The following PRDM16 variants were observed in gnomAD, a reference collection of about 807,000 sequenced individuals.
PRDM16 encodes the protein histone-lysine N-methyltransferase PRDM16.
PRDM16 carries 23 observed loss-of-function variants against 110.6 expected under a neutral mutation model. The ratio of observed to expected loss-of-function variants is 0.21; its 90% CI spans 0.15 to 0.29. The LOEUF is 0.29. Ranked by LOEUF, PRDM16 falls within the 10% of genes least tolerant of loss-of-function variation. The pLI is 1.00. For synonymous variants in PRDM16, 799 were observed against 781.8 expected, an observed-to-expected ratio of 1.02 and a Z score of -0.37; for missense variants, 1,615 against 1,794.3, an observed-to-expected ratio of 0.90 and a Z score of 1.81.
At chr1:3,165,088 G>GC (rs1557495335) in intron 1 of PRDM16, among the ~76,000 whole-genome samples, 1 of 152,236 alleles carries the variant, frequency 6.6e-6, no homozygotes, top group African/African-American at 2.4e-5. Flanking sequence ...GGAGCTCCGG[G>GC]CCCCCCTCTG....
intron 3 of PRDM16, among the ~76,000 whole-genome samples, chr1:3,261,076 G>A (rs1012062243): frequency 6.6e-6 from 1 of 150,744 alleles, no homozygotes; most frequent in Non-Finnish European, 1.5e-5. Context: ...CGGGAGATAA[G>A]GCATGGAACA....
intron 1 of PRDM16, among the ~76,000 whole-genome samples, chr1:3,145,620 C>T (rs972759793): frequency 3.3e-5 from 5 of 152,128 alleles, no homozygotes; most frequent in Non-Finnish European, 4.4e-5. Flanking sequence ...GAGCCATGAG[C>T]CTCCTGCAGA....
Position 3,390,853 on chromosome 1 carries a change from T to TA in PRDM16, c.573+5568dup, listed in dbSNP as rs60929289. 1.4e-5 allele frequency among the ~76,000 whole-genome samples: 2 copies of TA among 142,240 alleles called. No homozygotes were observed. The highest frequency in any genetic ancestry group is 2.6e-5 in the African/African-American group (1 of 39,146). The allele number at this position is 142,240 out of a possible 152,430, so 93.3% of individuals were successfully genotyped here. On this transcript the variant is annotated intron_variant, in intron 4 of 16. Coordinates refer to ENST00000270722, the MANE Select transcript of PRDM16 (RefSeq NM_022114.4). The surrounding 1 kb of genome is among the most constrained non-coding windows in gnomAD (Gnocchi z 5.0). ...CAGTGTGTTTTTTTTTTTTTTTTTTTAGACAGAGTTTCACTCTTGTTGCCC... is the reference window on the plus strand; with the variant it reads ...CAGTGTGTTTTTTTTTTTTTTTTTTTAAGACAGAGTTTCACTCTTGTTGCCC...
Position 3,409,969 on chromosome 1 carries a change from GGTT to G in PRDM16, c.1187-1412_1187-1410del, listed in dbSNP as rs1255079818. On this transcript the variant is annotated intron_variant, in intron 8 of 16. Transcript: ENST00000270722. The stretch of plus-strand genomic sequence containing the variant: ...GGGTGTGTGTGCGTGTGGGGGGTGT[GGTT>G]GTGTGTTTGCATGGGGGGGTGTGGG... Among the ~76,000 whole-genome samples, 547 of 109,780 alleles carry G rather than the reference GGTT, an allele frequency of 5.0e-3. 7 individuals are homozygous for G. Among genetic ancestry groups the G allele is most frequent in the Middle Eastern group, 0.021 (3 of 142 alleles). 72.0% of individuals were successfully genotyped at this position (109,780 alleles called of 152,430 possible). A position where few individuals can be genotyped will look rare whatever the true frequency, so the allele number is the denominator to read the frequency against.
At chr1:3,337,656 C>T (rs1642188055) in intron 3 of PRDM16, among the ~76,000 whole-genome samples, 1 of 152,196 alleles carries the variant, frequency 6.6e-6, no homozygotes, top group Non-Finnish European at 1.5e-5. Flanking sequence ...GGGCACACAC[C>T]ATGCAACCAT....
chr1:3,103,390 C>T (rs1452550640), intron 1 of PRDM16, among the ~76,000 whole-genome samples: 1 of 152,216 alleles, frequency 6.6e-6, no homozygotes, highest in Non-Finnish European at 1.5e-5. Context: ...CTCCCTTTAC[C>T]TTAGTCGTCT....
chr1:3,118,160 CTG>C (rs569118469), intron 1 of PRDM16, among the ~76,000 whole-genome samples: 90 of 151,676 alleles, frequency 5.9e-4, no homozygotes, highest in African/African-American at 1.9e-3. Context: ...CATGCTCATG[CTG>C]TGTGTGTTTG....
chr1:3,186,651 G>A, intron 2 of PRDM16, 177 bp downstream of exon 2: 1 of 547,004 alleles, frequency 1.8e-6, no homozygotes, highest in East Asian at 3.1e-5. Flanking sequence ...GACTCAGAAA[G>A]CATCAGAGGT....
intron 2 of PRDM16, among the ~76,000 whole-genome samples, chr1:3,204,628 A>G (rs912179531): frequency 6.6e-6 from 1 of 152,194 alleles, no homozygotes; most frequent in Non-Finnish European, 1.5e-5. Flanking sequence ...GTAGTTTTTA[A>G]AGTCTTCTTT....
chr1:3,129,865 T>TC (rs1643297516), intron 1 of PRDM16, among the ~76,000 whole-genome samples: 2 of 145,878 alleles, frequency 1.4e-5, no homozygotes, highest in South Asian at 4.3e-4. Flanking sequence ...TGATTTTCTC[T>TC]CCTCTCTCAG....
intron 1 of PRDM16, among the ~76,000 whole-genome samples, chr1:3,098,101 A>G (rs1313212362): frequency 6.6e-6 from 1 of 152,088 alleles, no homozygotes; most frequent in Non-Finnish European, 1.5e-5. Context: ...AAGGGCACTG[A>G]GGCCTCCTGT....
At chr1:3,166,830 A>T (rs1185451691) in intron 1 of PRDM16, among the ~76,000 whole-genome samples, 2 of 152,162 alleles carry the variant, frequency 1.3e-5, no homozygotes, top group Non-Finnish European at 2.9e-5. Flanking sequence ...GTTGCCATGA[A>T]GCTCACTGTG....
chr1:3,411,045 C>A (rs1324559576), intron 8 of PRDM16, among the ~76,000 whole-genome samples: 1 of 148,902 alleles, frequency 6.7e-6, no homozygotes. Flanking sequence ...GGGTGGGGCG[C>A]ATGCACACAC....
intron 1 of PRDM16, among the ~76,000 whole-genome samples, chr1:3,142,138 G>A (rs977857569): frequency 1.3e-5 from 2 of 152,226 alleles, no homozygotes; most frequent in African/African-American, 4.8e-5. Flanking sequence ...GGCTCCCCCC[G>A]TCCAGGGCCA....
chr1:3,151,446 C>A (rs1643774069), intron 1 of PRDM16, among the ~76,000 whole-genome samples: 2 of 152,230 alleles, frequency 1.3e-5, no homozygotes, highest in African/African-American at 4.8e-5. Context: ...GGCCATGGGC[C>A]AACAGGCTCA....
chr1:3,297,148 C>CT (rs1249982592), intron 3 of PRDM16, among the ~76,000 whole-genome samples: 1 of 152,214 alleles, frequency 6.6e-6, no homozygotes, highest in Non-Finnish European at 1.5e-5. Flanking sequence ...CCCTTGTCCT[C>CT]TGTCCGCTTT....
chr1:3,405,173 G>A (rs938546556), intron 7 of PRDM16, among the ~76,000 whole-genome samples: 2 of 152,180 alleles, frequency 1.3e-5, no homozygotes, highest in East Asian at 1.9e-4. Flanking sequence ...AGAGGCTGGC[G>A]GGGCTGAGCC....
At chr1:3,178,878 AC>A (rs1481135731) in intron 1 of PRDM16, among the ~76,000 whole-genome samples, 2 of 152,002 alleles carry the variant, frequency 1.3e-5, no homozygotes, top group Non-Finnish European at 2.9e-5. Flanking sequence ...CGGGGACTCC[AC>A]TCAGACTCCT....
At chr1:3,234,641 T>C (rs889582071) in intron 2 of PRDM16, among the ~76,000 whole-genome samples, 2 of 152,148 alleles carry the variant, frequency 1.3e-5, no homozygotes, top group African/African-American at 4.8e-5. Context: ...ACCGTGACTG[T>C]GCCAGTCCCC....
Sources: gnomAD v4.1 joint callset for allele counts (sites outside exome capture counted in the v4.1 genomes callset) on GRCh38, gnomAD v4.1.1 for gene constraint, Gnocchi (gnomAD v3.1) non-coding constraint, MANE v1.5 for transcripts, NCBI Gene and HGNC (gene_info 2026-07-23, HGNC 2026-07-21) for gene names.